RAD51B: variants seen among roughly 807,000 people sequenced by gnomAD.
RAD51B encodes DNA repair protein RAD51 homolog 2.
A neutral mutation model predicts 42.2 loss-of-function variants in RAD51B; 38 were observed. The ratio of observed to expected loss-of-function variants is 0.90; its 90% CI spans 0.70 to 1.18. The LOEUF is 1.18. Among genes scored for constraint, RAD51B ranks in the 50% most tolerant of loss-of-function variants. The pLI is 0.00. For missense variants in RAD51B, 373 were observed against 400.7 expected (o/e 0.93, Z 0.59); for synonymous variants, 154 against 145.2 (o/e 1.06, Z -0.43).
chr14:68,602,933 A>G (rs1304766236), intron 10 of RAD51B, among the ~76,000 whole-genome samples: 2 of 152,156 alleles, frequency 1.3e-5, no homozygotes, highest in African/African-American at 4.8e-5. Context: ...CTAAACACCC[A>G]TATGCCTGAC....
At chr14:68,361,735 G>A (rs1436127552) in intron 8 of RAD51B, among the ~76,000 whole-genome samples, 1 of 152,060 alleles carries the variant, frequency 6.6e-6, no homozygotes, top group Non-Finnish European at 1.5e-5. Context: ...GAGTATGGCG[G>A]CACGATCTCA....
At chr14:68,131,371 T>C (rs2077886328) in intron 7 of RAD51B, among the ~76,000 whole-genome samples, 1 of 152,188 alleles carries the variant, frequency 6.6e-6, no homozygotes. Context: ...GCTTTGGAGC[T>C]GCATTAACAA....
chr14:68,259,249 C>T (rs2080823778), intron 7 of RAD51B, among the ~76,000 whole-genome samples: 1 of 148,968 alleles, frequency 6.7e-6, no homozygotes, highest in South Asian at 2.1e-4. Context: ...GTTCAATTCC[C>T]ACCTGTGAGT....
chr14:68,020,344 C>T (rs1465100828), intron 7 of RAD51B, among the ~76,000 whole-genome samples: 1 of 152,130 alleles, frequency 6.6e-6, no homozygotes, highest in East Asian at 1.9e-4. Context: ...CTCCTGAGCT[C>T]AAGCAATCTG....
At chr14:68,087,811 TA>T (rs980212684) in intron 7 of RAD51B, among the ~76,000 whole-genome samples, 6 of 132,180 alleles carry the variant, frequency 4.5e-5, no homozygotes, top group Non-Finnish European at 7.7e-5. Flanking sequence ...TTTATTGACT[TA>T]AAAATAATAT....
chr14:68,540,343 A>G (rs1887895281), intron 10 of RAD51B: 1 of 1,050,030 alleles, frequency 9.5e-7, no homozygotes, highest in African/African-American at 1.7e-5. Context: ...TCTAGCTACG[A>G]ATCCTTGACA....
intron 8 of RAD51B, among the ~76,000 whole-genome samples, chr14:68,399,050 A>G (rs1032970160): frequency 6.6e-6 from 1 of 152,192 alleles, no homozygotes; most frequent in East Asian, 1.9e-4. Flanking sequence ...ATTCTGATGT[A>G]TAGAAACATA....
chr14:68,251,310 T>G (rs1217543405), intron 7 of RAD51B, among the ~76,000 whole-genome samples: 2 of 152,174 alleles, frequency 1.3e-5, no homozygotes, highest in Non-Finnish European at 2.9e-5. Flanking sequence ...CCTGAGTTTA[T>G]GCACCTCGAT....
rs971281143 is a variant in RAD51B, at chr14:68,156,251, G to A, written c.757-135633G>A. 8.5e-5 allele frequency among the ~76,000 whole-genome samples: 13 copies of A among 152,332 alleles called. 1 individual carries two copies. The highest frequency in any genetic ancestry group is 8.3e-4 in the South Asian group (4 of 4,834). On this transcript the variant is annotated intron_variant, in intron 7 of 10. Coordinates refer to ENST00000471583, the MANE Select transcript of RAD51B (RefSeq NM_133510.4). The stretch of plus-strand genomic sequence containing the variant: ...GCGCCAAGTGTTTGAGGTTGATAAT[G>A]TTGACAGAGTCCTTGCAGAATGGAA...
At chr14:67,884,251 T>C (rs1361793053) in intron 5 of RAD51B, among the ~76,000 whole-genome samples, 1 of 152,180 alleles carries the variant, frequency 6.6e-6, no homozygotes, top group Non-Finnish European at 1.5e-5. Flanking sequence ...ACCATTCCTT[T>C]TGTGAGGCCT....
intron 8 of RAD51B, among the ~76,000 whole-genome samples, chr14:68,306,229 C>T (rs1184795825): frequency 2.0e-5 from 3 of 152,214 alleles, no homozygotes; most frequent in African/African-American, 7.2e-5. Context: ...ATTAATTTCT[C>T]TCTCCATTTT....
chr14:68,054,842 G>A (rs1365877318), intron 7 of RAD51B, among the ~76,000 whole-genome samples: 2 of 152,170 alleles, frequency 1.3e-5, no homozygotes, highest in Non-Finnish European at 2.9e-5. Flanking sequence ...GTTTGGTGGG[G>A]GGCGGTTGGT....
intron 10 of RAD51B, chr14:68,563,570 G>A (rs1889263748): frequency 1.0e-6 from 1 of 985,326 alleles, no homozygotes; most frequent in Admixed American, 6.1e-5. Flanking sequence ...GCCATTTCTT[G>A]TGTGCCTTCA....
intron 7 of RAD51B, among the ~76,000 whole-genome samples, chr14:67,914,062 A>G (rs1308272503): frequency 2.0e-5 from 3 of 151,688 alleles, no homozygotes; most frequent in Non-Finnish European, 4.4e-5. Context: ...GGCTCACTGC[A>G]ACCTCCGCCT....
At chr14:68,495,937 A>C in intron 10 of RAD51B, among the ~76,000 whole-genome samples, 1 of 152,186 alleles carries the variant, frequency 6.6e-6, no homozygotes, top group East Asian at 1.9e-4. Context: ...TCATTATGAA[A>C]ATTTCACACA....
intron 10 of RAD51B, chr14:68,469,110 A>G (rs749688319): frequency 1.9e-6 from 1 of 514,904 alleles, no homozygotes; most frequent in Non-Finnish European, 3.9e-6. Context: ...GACCCCAACC[A>G]CAGAGATGCT....
chr14:68,346,687 C>A (rs555480317), intron 8 of RAD51B, among the ~76,000 whole-genome samples: 1 of 152,254 alleles, frequency 6.6e-6, no homozygotes, highest in South Asian at 2.1e-4. Context: ...ATGTCTTTTT[C>A]ACTGTCTCTG....
intron 7 of RAD51B, among the ~76,000 whole-genome samples, chr14:68,084,618 C>G (rs1245082615): frequency 6.6e-6 from 1 of 152,174 alleles, no homozygotes; most frequent in Non-Finnish European, 1.5e-5. Context: ...TCATGAGGAG[C>G]AGAGCAAAAC....
intron 5 of RAD51B, among the ~76,000 whole-genome samples, chr14:67,871,925 A>T (rs1036071079): frequency 3.3e-5 from 5 of 151,634 alleles, no homozygotes; most frequent in African/African-American, 4.9e-5. Flanking sequence ...TTAGGTATTG[A>T]TGGGACGTAT....
Sources: allele counts gnomAD v4.1 joint callset (sites outside exome capture counted in the v4.1 genomes callset), GRCh38; gene constraint gnomAD v4.1.1; transcripts MANE v1.5; gene names NCBI Gene and HGNC (gene_info 2026-07-23, HGNC 2026-07-21).